The following ZSWIM5 variants were observed in gnomAD, a reference collection of about 807,000 sequenced individuals.
ZSWIM5 encodes the protein zinc finger SWIM-type containing 5.
A neutral mutation model predicts 119.6 loss-of-function variants in ZSWIM5; 55 were observed. The observed-to-expected ratio is 0.46, with a 90% CI of 0.37 to 0.58. The LOEUF is 0.58. Ranked by LOEUF, ZSWIM5 falls within the 20% of genes least tolerant of loss-of-function variation. The pLI, the probability that ZSWIM5 is intolerant of heterozygous loss-of-function variation, is 0.00. For missense variants in ZSWIM5, 1,193 were observed against 1,512.8 expected, an observed-to-expected ratio of 0.79 and a Z score of 3.51; for synonymous variants, 537 against 606.9, an observed-to-expected ratio of 0.88 and a Z score of 1.69.
At chr1:45,064,865 A>C (rs1441432020) in intron 2 of ZSWIM5, among the ~76,000 whole-genome samples, 13 of 152,232 alleles carry the variant, frequency 8.5e-5, no homozygotes, top group Non-Finnish European at 1.9e-4. Flanking sequence ...CTGTCTCTTT[A>C]CTACAAGGCT....
At chr1:45,169,523 C>G (rs1645932677) in intron 1 of ZSWIM5, among the ~76,000 whole-genome samples, 1 of 151,916 alleles carries the variant, frequency 6.6e-6, no homozygotes, top group Non-Finnish European at 1.5e-5. Context: ...ATTCTAAAGC[C>G]CATGTAATCA....
At chr1:45,145,444 T>C (rs961968187) in intron 1 of ZSWIM5, among the ~76,000 whole-genome samples, 17 of 151,594 alleles carry the variant, frequency 1.1e-4, no homozygotes, top group Non-Finnish European at 2.9e-5. Flanking sequence ...GGATAAACAA[T>C]TTGTAGTACA....
chr1:45,138,608 C>T (rs900391491), intron 1 of ZSWIM5, among the ~76,000 whole-genome samples: 10 of 151,824 alleles, frequency 6.6e-5, no homozygotes, highest in Admixed American at 3.3e-4. Flanking sequence ...AAGCAGGTTC[C>T]GCAGGGCTGA....
chr1:45,053,074 G>T (rs1645099087), intron 4 of ZSWIM5, among the ~76,000 whole-genome samples: 2 of 144,798 alleles, frequency 1.4e-5, no homozygotes, highest in African/African-American at 5.1e-5. Flanking sequence ...AGTGAGCTGA[G>T]ATCCCGCCAT....
At chr1:45,108,380 T>C (rs1645494482) in intron 1 of ZSWIM5, among the ~76,000 whole-genome samples, 2 of 152,342 alleles carry the variant, frequency 1.3e-5, no homozygotes, top group Non-Finnish European at 2.9e-5. Flanking sequence ...AATAAACTTC[T>C]TTCAAAAGGA....
At chr1:45,136,004 G>A (rs949398363) in intron 1 of ZSWIM5, among the ~76,000 whole-genome samples, 2 of 152,096 alleles carry the variant, frequency 1.3e-5, no homozygotes, top group African/African-American at 2.4e-5. Flanking sequence ...AGGACCACAG[G>A]CATGCACCAT....
At chr1:45,163,254 G>A (rs931096398) in intron 1 of ZSWIM5, among the ~76,000 whole-genome samples, 33 of 152,188 alleles carry the variant, frequency 2.2e-4, no homozygotes, top group Non-Finnish European at 3.1e-4. Flanking sequence ...CTGCAGCTGA[G>A]GGTCCTGACT....
At position 45,036,412 on chromosome 1, in the gene ZSWIM5, T is replaced by C. The variant is rs1644985005; in HGVS notation, c.1895-113A>G. The C allele has an allele frequency of 5.6e-6, 8 of 1,428,634 alleles. 1 individual carries two copies. In the South Asian group the frequency reaches 1.2e-4, roughly 21 times the overall value. The allele number at this position is 1,428,634 out of a possible 1,614,324, so 88.5% of individuals were successfully genotyped here. ...CTCTGTTGTCCAGGCTGGAGTACAGTGGTGCAATCTCAGCTCACTGCAGCC... is the reference window on the plus strand; with the variant it reads ...CTCTGTTGTCCAGGCTGGAGTACAGCGGTGCAATCTCAGCTCACTGCAGCC... On this transcript the variant is annotated intron_variant, in intron 8 of 13. Transcript: ENST00000359600.
chr1:45,116,629 G>C (rs1011030541), intron 1 of ZSWIM5, among the ~76,000 whole-genome samples: 1 of 152,096 alleles, frequency 6.6e-6, no homozygotes, highest in Non-Finnish European at 1.5e-5. Context: ...AAGGCAGTAA[G>C]GTATGGCAGG....
intron 6 of ZSWIM5, among the ~76,000 whole-genome samples, chr1:45,041,839 AG>A (rs1285118313): frequency 1.6e-4 from 24 of 152,330 alleles, no homozygotes; most frequent in African/African-American, 5.8e-4. Context: ...CGCCCAGCCT[AG>A]TAAGTTTTTA....
At chr1:45,094,023 ATATT>A (rs66921356) in intron 1 of ZSWIM5, among the ~76,000 whole-genome samples, 120,167 of 134,306 alleles carry the variant, frequency 0.89, 54,155 homozygotes, top group Non-Finnish European at 0.94. Flanking sequence ...TTTTATTTTT[ATATT>A]TATTTATTTA....
chr1:45,115,622 G>C (rs1185009240), intron 1 of ZSWIM5, among the ~76,000 whole-genome samples: 1 of 150,010 alleles, frequency 6.7e-6, no homozygotes, highest in Non-Finnish European at 1.5e-5. Flanking sequence ...ACGGGATGGC[G>C]GCCGGGAAGA....
At position 45,018,713 on chromosome 1, in the gene ZSWIM5, A is replaced by G. The variant is rs1377619053; in HGVS notation, c.3299T>C (p.Leu1100Pro). The change falls in exon 14 of 14, where the codon CTC (leucine) becomes CCC (proline). Residue 1100 changes from leucine (L) to proline (P), a missense_variant. Around this residue, in one of 2 missense-constraint regions of ZSWIM5, gnomAD observed 961 missense variants for 1,290.0 expected, o/e 0.74. Transcript: ENST00000359600. The surrounding 1 kb of genome is among the most constrained non-coding windows in gnomAD (Gnocchi z 6.7). Reference protein sequence around the residue: ...GIPGRRSSGKLMSTDKAPLRQ... With the variant: ...GIPGRRSSGKPMSTDKAPLRQ... ...CAATGGAGCTTTGTCAGTGGACATGAGCTTTCCAGAGCTTCGGCGGCCTGG... is the reference window on the plus strand; with the variant it reads ...CAATGGAGCTTTGTCAGTGGACATGGGCTTTCCAGAGCTTCGGCGGCCTGG... The G allele has an allele frequency of 6.2e-7, 1 of 1,614,220 alleles. No homozygotes were observed. Among genetic ancestry groups the G allele is most frequent in the Non-Finnish European group, 8.5e-7 (1 of 1,180,042 alleles).
At chr1:45,034,712 G>A (rs1479993085) in intron 10 of ZSWIM5, among the ~76,000 whole-genome samples, 1 of 152,168 alleles carries the variant, frequency 6.6e-6, no homozygotes, top group Non-Finnish European at 1.5e-5. Flanking sequence ...AGAGCTATCG[G>A]GTTGAATAGT....
At chr1:45,152,453 G>GT (rs58755774) in intron 1 of ZSWIM5, among the ~76,000 whole-genome samples, 180 of 151,700 alleles carry the variant, frequency 1.2e-3, no homozygotes, top group African/African-American at 4.2e-3. Flanking sequence ...AATGGAGCAC[G>GT]TCTATAGCCA....
intron 1 of ZSWIM5, among the ~76,000 whole-genome samples, chr1:45,170,232 C>G (rs776591429): frequency 1.1e-4 from 16 of 151,794 alleles, no homozygotes; most frequent in Non-Finnish European, 2.1e-4. Flanking sequence ...TTTTGAAAAA[C>G]AATAAAGCTA....
At chr1:45,042,075 G>A (rs1311147410) in intron 6 of ZSWIM5, among the ~76,000 whole-genome samples, 2 of 152,062 alleles carry the variant, frequency 1.3e-5, no homozygotes, top group Non-Finnish European at 2.9e-5. Context: ...TTTTATCCAT[G>A]CTGTAATGAG....
Position 45,058,627 on chromosome 1 carries a change from G to T in ZSWIM5, c.1234C>A (p.Gln412Lys). Residue 412 changes from glutamine (Q) to lysine (K), a missense_variant, in exon 4 of 14, where the codon CAG becomes AAG. Coordinates refer to ENST00000359600, the MANE Select transcript of ZSWIM5 (RefSeq NM_020883.2). ...AACTTACCTAGCTCATCCCAGAGCTGCCTGCACTTGTCTGTCATGTTTGTT... is the reference window on the plus strand; with the variant it reads ...AACTTACCTAGCTCATCCCAGAGCTTCCTGCACTTGTCTGTCATGTTTGTT... ...QGTNMTDKCR[Q>K]LWDELGALWV... is the part of the protein sequence containing the mutation. 1 of 1,614,240 alleles carries T rather than the reference G, an allele frequency of 6.2e-7. No homozygotes were observed. Among genetic ancestry groups the T allele is most frequent in the South Asian group, 1.1e-5 (1 of 91,090 alleles).
intron 1 of ZSWIM5, among the ~76,000 whole-genome samples, chr1:45,143,523 G>T (rs1394953823): frequency 3.3e-5 from 5 of 152,074 alleles, no homozygotes; most frequent in African/African-American, 9.7e-5. Context: ...TCTTCAACCT[G>T]GTAAAGGGTA....
Sources: gnomAD v4.1 joint callset for allele counts (sites outside exome capture counted in the v4.1 genomes callset) on GRCh38, gnomAD v4.1.1 for gene constraint, gnomAD v4.1.1 regional missense constraint, Gnocchi (gnomAD v3.1) non-coding constraint, MANE v1.5 for transcripts, NCBI Gene and HGNC (gene_info 2026-07-23, HGNC 2026-07-21) for gene names.